Variants in NRXN1 observed in about 807,000 individuals in gnomAD.
NRXN1 encodes the protein neurexin-1.
NRXN1 carries 39 observed loss-of-function variants against 150.9 expected under a neutral mutation model. The ratio of observed to expected loss-of-function variants is 0.26; its 90% confidence interval spans 0.20 to 0.34. The LOEUF (loss-of-function observed/expected upper bound fraction) is 0.34. NRXN1 is among the 10% of genes least tolerant of loss of function. The pLI is 1.00. For missense variants in NRXN1, 1,815 were observed against 1,949.9 expected, an observed-to-expected ratio of 0.93 and a Z score of 1.30; for synonymous variants, 924 against 757.0, an observed-to-expected ratio of 1.22 and a Z score of -3.62.
intron 18 of NRXN1, among the ~76,000 whole-genome samples, chr2:50,216,570 G>A (rs765707348): frequency 2.0e-5 from 3 of 151,932 alleles, no homozygotes; most frequent in Non-Finnish European, 4.4e-5. Context: ...AATAATGGAA[G>A]TGAGCAGAGA....
chr2:50,487,456 A>G (rs1325310378), intron 15 of NRXN1, among the ~76,000 whole-genome samples: 1 of 152,200 alleles, frequency 6.6e-6, no homozygotes, highest in African/African-American at 2.4e-5. Flanking sequence ...GTTCCTAAGG[A>G]GCACTGGAAG....
At chr2:50,623,291 T>G (rs753380774) in intron 6 of NRXN1, 23 bp downstream of exon 6, 2 of 1,595,908 alleles carry the variant, frequency 1.3e-6, no homozygotes, top group Non-Finnish European at 1.7e-6. Context: ...AGCCAGTTAC[T>G]CTCTTATCCA....
At chr2:50,415,670 G>A (rs2083482219) in intron 17 of NRXN1, among the ~76,000 whole-genome samples, 1 of 151,984 alleles carries the variant, frequency 6.6e-6, no homozygotes, top group Non-Finnish European at 1.5e-5. Context: ...AAATCAGCTA[G>A]GGTATAAAAA....
chr2:50,349,231 T>C (rs2078249873), intron 17 of NRXN1, among the ~76,000 whole-genome samples: 1 of 152,236 alleles, frequency 6.6e-6, no homozygotes, highest in Non-Finnish European at 1.5e-5. Context: ...GATGCTTTTA[T>C]CTATTTAAAT....
intron 17 of NRXN1, among the ~76,000 whole-genome samples, chr2:50,276,935 T>TA (rs1234584071): frequency 2.0e-5 from 3 of 152,172 alleles, no homozygotes; most frequent in Non-Finnish European, 4.4e-5. Flanking sequence ...GTCTTACTTC[T>TA]AGCCCCCCTG....
intron 5 of NRXN1, among the ~76,000 whole-genome samples, chr2:50,811,864 C>A (rs1438060180): frequency 6.6e-6 from 1 of 152,000 alleles, no homozygotes; most frequent in African/African-American, 2.4e-5. Context: ...CAAAAAGAAT[C>A]TGTATTATTT....
At chr2:50,908,868 A>G (rs1279599096) in intron 5 of NRXN1, among the ~76,000 whole-genome samples, 1 of 151,986 alleles carries the variant, frequency 6.6e-6, no homozygotes, top group East Asian at 1.9e-4. Flanking sequence ...CCCTCTCACC[A>G]TGTGATGCCC....
At chr2:50,674,967 G>A (rs1033173417) in intron 5 of NRXN1, among the ~76,000 whole-genome samples, 1 of 151,848 alleles carries the variant, frequency 6.6e-6, no homozygotes, top group South Asian at 2.1e-4. Context: ...GGAGGTGCTT[G>A]GGTCATGAGG....
At chr2:50,024,897 T>C (rs965772207) in intron 21 of NRXN1, among the ~76,000 whole-genome samples, 6 of 152,168 alleles carry the variant, frequency 3.9e-5, no homozygotes, top group Admixed American at 2.6e-4. Context: ...ATTACAGGCG[T>C]GAGCTACTGT....
intron 21 of NRXN1, among the ~76,000 whole-genome samples, chr2:50,050,037 C>T (rs995104653): frequency 2.0e-5 from 3 of 151,798 alleles, no homozygotes; most frequent in Admixed American, 6.6e-5. Context: ...GTTATATTCA[C>T]ATTAAAAAGG....
intron 17 of NRXN1, among the ~76,000 whole-genome samples, chr2:50,263,815 C>T (rs778684687): frequency 3.9e-5 from 6 of 152,106 alleles, no homozygotes; most frequent in Non-Finnish European, 8.8e-5. Flanking sequence ...CAGCTACATT[C>T]AAAGGAGTCA....
intron 18 of NRXN1, among the ~76,000 whole-genome samples, chr2:50,224,546 C>T (rs2064177091): frequency 6.6e-6 from 1 of 151,744 alleles, no homozygotes; most frequent in Non-Finnish European, 1.5e-5. Context: ...TCAGATGATT[C>T]ACTGATAGTA....
At chr2:50,728,577 T>C (rs551617532) in intron 5 of NRXN1, among the ~76,000 whole-genome samples, 108 of 152,322 alleles carry the variant, frequency 7.1e-4, no homozygotes, top group African/African-American at 2.5e-3. Flanking sequence ...GGTTTGATTA[T>C]GTTTTTCCTG....
intron 18 of NRXN1, among the ~76,000 whole-genome samples, chr2:50,198,833 T>C (rs1289646628): frequency 6.6e-6 from 1 of 152,068 alleles, no homozygotes; most frequent in African/African-American, 2.4e-5. Flanking sequence ...AAGAACCCCC[T>C]TGGGTGAGTG....
At chr2:50,172,784 T>C (rs1188382775) in intron 18 of NRXN1, among the ~76,000 whole-genome samples, 1 of 152,042 alleles carries the variant, frequency 6.6e-6, no homozygotes, top group African/African-American at 2.4e-5. Flanking sequence ...CTAATAAATA[T>C]AGTGAAACCC....
intron 17 of NRXN1, among the ~76,000 whole-genome samples, chr2:50,350,566 T>C (rs753488346): frequency 6.6e-6 from 1 of 152,132 alleles, no homozygotes; most frequent in South Asian, 2.1e-4. Flanking sequence ...TACAAATAAA[T>C]AACAAGGATC....
intron 14 of NRXN1, among the ~76,000 whole-genome samples, chr2:50,496,380 G>A (rs374909888): frequency 1.6e-4 from 25 of 152,172 alleles, no homozygotes; most frequent in Non-Finnish European, 2.2e-4. Flanking sequence ...CTTTCACCAC[G>A]CGCTCCCTGT....
chr2:50,574,433 A>C (rs368224924), intron 8 of NRXN1, among the ~76,000 whole-genome samples: 9 of 152,220 alleles, frequency 5.9e-5, no homozygotes, highest in African/African-American at 2.2e-4. Context: ...ACGTTTGGAA[A>C]CTGAACGGTT....
At chr2:50,276,395 T>C (rs937733160) in intron 17 of NRXN1, among the ~76,000 whole-genome samples, 1 of 152,236 alleles carries the variant, frequency 6.6e-6, no homozygotes, top group Non-Finnish European at 1.5e-5. Flanking sequence ...GTAGAGTTTC[T>C]GCAAAAATGA....
Sources: gnomAD v4.1 joint callset for allele counts (sites outside exome capture counted in the v4.1 genomes callset) on GRCh38, gnomAD v4.1.1 for gene constraint, MANE v1.5 for transcripts, NCBI Gene and HGNC (gene_info 2026-07-23, HGNC 2026-07-21) for gene names.